Variants in NLE1 observed in about 807,000 individuals in gnomAD.
NLE1 encodes the protein notchless homolog 1, also known as notchless protein homolog 1.
Under a neutral mutation model 62.8 loss-of-function variants are expected in NLE1, and 37 were observed. The ratio of observed to expected loss-of-function variants is 0.59; its 90% confidence interval spans 0.45 to 0.78. The LOEUF (loss-of-function observed/expected upper bound fraction) is 0.78, where lower values mean the gene tolerates loss of function less well. Ranked by LOEUF, NLE1 falls within the 30% of genes least tolerant of loss-of-function variation. NLE1 has a pLI of 0.00. For synonymous variants in NLE1, 243 were observed against 253.0 expected (o/e 0.96, Z 0.37); for missense variants, 555 against 637.9 (o/e 0.87, Z 1.40).
At chr17:35,133,536 G>A in intron 10 of NLE1, 38 bp from the exon 11 acceptor site, 1 of 1,572,536 alleles carries the variant, frequency 6.4e-7, no homozygotes, top group Non-Finnish European at 8.6e-7. Context: ...TTTAGTCTGA[G>A]TTACATCTTT....
rs748103972 is a variant in NLE1, at chr17:35,136,413, C to T, written c.913G>A (p.Ala305Thr). The change falls in exon 8 of 13, where the codon GCC becomes ACC. Residue 305 changes from alanine to threonine, a missense_variant. Transcript: ENST00000442241. ...ACTGAGGCCTCAGCAGGTTCAAAGG[C>T]CCCAGTGCGCAGGGCATAGTCAGTG... ...LSTDYALRTG[A>T]FEPAEASVNP... The T allele has an allele frequency of 1.9e-6, 3 of 1,614,108 alleles. No individual in the cohort carries two copies. Among genetic ancestry groups the T allele is most frequent in the Non-Finnish European group, 2.5e-6 (3 of 1,179,984 alleles).
chr17:35,130,029 G>A lies in NLE1; in HGVS notation c.*2408C>T. 7.2e-7 allele frequency: 1 copy of A among 1,390,980 alleles called. No homozygotes were observed. The highest frequency in any genetic ancestry group is 9.3e-7 in the Non-Finnish European group (1 of 1,074,808). 86.2% of individuals were successfully genotyped at this position (1,390,980 alleles called of 1,614,324 possible). ...AGGGGGACGAAGAAGGGAACAGCCT[G>A]GGTATGGGGTAGGGGTATGGGGGTA... On this transcript the variant is annotated 3_prime_UTR_variant, in exon 13 of 13. Coordinates refer to ENST00000442241, the MANE Select transcript of NLE1 (RefSeq NM_018096.5).
In NLE1 at chr17:35,130,353, G is replaced by C. The variant is rs915792745; in HGVS notation, c.*2084C>G. On this transcript the variant is annotated 3_prime_UTR_variant, in exon 13 of 13. Transcript: ENST00000442241. ...CCATCCAGATCACCGTGCGGCGCAA[G>C]GAACCCCGGCAAAAGATCGTGTCCA... is the stretch of plus-strand genomic sequence containing the variant. 1 of 1,614,146 alleles carries C rather than the reference G, an allele frequency of 6.2e-7. No individual in the cohort carries two copies. The highest frequency in any genetic ancestry group is 1.3e-5 in the African/African-American group (1 of 75,032).
intron 10 of NLE1, among the ~76,000 whole-genome samples, chr17:35,134,631 C>T (rs980070946): frequency 6.6e-6 from 1 of 152,184 alleles, no homozygotes; most frequent in African/African-American, 2.4e-5. Flanking sequence ...AACTCCTGAA[C>T]TCAGGTGATC....
intron 6 of NLE1, 124 bp downstream of exon 6, chr17:35,137,419 G>C: frequency 1.1e-6 from 1 of 878,884 alleles, no homozygotes. Context: ...TGCCTGCCAA[G>C]CCATCACGGT....
At chr17:35,140,697 TCTC>T (rs760634927) in intron 2 of NLE1, among the ~76,000 whole-genome samples, 46 of 151,972 alleles carry the variant, frequency 3.0e-4, no homozygotes, top group Non-Finnish European at 2.2e-4. Context: ...TTCAAGCAAT[TCTC>T]CTGCTTCAGC....
chr17:35,140,434 G>T (rs1036709240), intron 2 of NLE1, among the ~76,000 whole-genome samples: 1 of 151,694 alleles, frequency 6.6e-6, no homozygotes, highest in Non-Finnish European at 1.5e-5. Flanking sequence ...TCGCCACATT[G>T]GCCAGGCTGG....
At position 35,137,169 on chromosome 17, in the gene NLE1, G is replaced by A; in HGVS notation, c.660C>T (p.Ala220=). Residue 220 remains alanine (A), a synonymous_variant, in exon 7 of 13, where the codon GCC becomes GCT. Coordinates refer to ENST00000442241, the MANE Select transcript of NLE1 (RefSeq NM_018096.5). ...LHANPECRYV[A]SSSKDGSVRI... Reference sequence around the variant, plus strand: ...GCACACTGCCATCCTTGGAGCTGCTGGCCACATAGCGGCACTCAGGGTTCC... The same window carrying A: ...GCACACTGCCATCCTTGGAGCTGCTAGCCACATAGCGGCACTCAGGGTTCC... The A allele has an allele frequency of 1.2e-6, 2 of 1,610,460 alleles. No homozygotes were observed. Among genetic ancestry groups the A allele is most frequent in the African/African-American group, 1.3e-5 (1 of 74,930 alleles).
Position 35,136,516 on chromosome 17 carries a change from G to T in NLE1, c.829-19C>A. 6.2e-7 allele frequency: 1 copy of T among 1,600,650 alleles called. No homozygotes were observed. Among genetic ancestry groups the T allele is most frequent in the Non-Finnish European group, 8.5e-7 (1 of 1,169,900 alleles). On this transcript the variant is annotated intron_variant, in intron 7 of 12. Coordinates refer to ENST00000442241, the MANE Select transcript of NLE1 (RefSeq NM_018096.5). The stretch of plus-strand genomic sequence containing the variant: ...GCACACCCTACGGGAGAGCGAGTCA[G>T]GTCAGACACACACACTCCTCCCCAC...
chr17:35,129,766 T>C lies in NLE1; in HGVS notation c.*2671A>G. 2 of 1,478,746 alleles carry C rather than the reference T, an allele frequency of 1.4e-6. No homozygotes were observed. The highest frequency in any genetic ancestry group is 9.0e-7 in the Non-Finnish European group (1 of 1,116,024). The allele number at this position is 1,478,746 out of a possible 1,614,324, so 91.6% of individuals were successfully genotyped here. On this transcript the variant is annotated 3_prime_UTR_variant, in exon 13 of 13. Coordinates refer to ENST00000442241, the MANE Select transcript of NLE1 (RefSeq NM_018096.5). ...CCTATGCCCACATGACTCATCTGGC[T>C]AGCTTTCCTTCTGCCTGGGTCAAGA... is the stretch of plus-strand genomic sequence containing the variant.
In NLE1 at chr17:35,139,296, A is replaced by G. The variant is rs1414620758; in HGVS notation, c.399T>C (p.Ser133=). Residue 133 remains serine (S), a synonymous_variant, in exon 4 of 13, where the codon TCT becomes TCC. Transcript: ENST00000442241. ...SPTGKYLASG[S]GDTTVRFWDL... ...CCCAGAAGCGCACGGTGGTGTCTCC[A>G]GAGCCACTGGCCAGGTACCTGGGGA... 6.2e-7 allele frequency: 1 copy of G among 1,613,860 alleles called. No homozygotes were observed. The highest frequency in any genetic ancestry group is 8.5e-7 in the Non-Finnish European group (1 of 1,179,914).
intron 12 of NLE1, 108 bp downstream of exon 12, chr17:35,133,063 G>A (rs1353338651): frequency 1.8e-6 from 2 of 1,092,252 alleles, no homozygotes; most frequent in Non-Finnish European, 1.4e-6. Context: ...GACAGTCTGA[G>A]CACCTGGACG....
At position 35,137,634 on chromosome 17, in the gene NLE1, G is replaced by A. The variant is rs989460984; in HGVS notation, c.544C>T (p.Leu182Phe). ...ASGCKNGQIL[L>F]WDPSTGKQVG... is the part of the protein sequence containing the mutation. ...TGCTTCCCTGTGCTTGGGTCCCAGA[G>A]GAGAATCTGAAGGACAGAAGCTCAC... Residue 182 changes from leucine (L) to phenylalanine (F), a missense_variant, in exon 6 of 13, where the codon CTC (leucine) becomes TTC (phenylalanine). By Grantham distance (22) the Leu-to-Phe change is conservative. Coordinates refer to ENST00000442241, the MANE Select transcript of NLE1 (RefSeq NM_018096.5). The A allele has an allele frequency of 6.2e-7, 1 of 1,609,942 alleles. No homozygotes were observed. Among genetic ancestry groups the A allele is most frequent in the South Asian group, 1.1e-5 (1 of 91,006 alleles).
chr17:35,138,396 C>G (rs1310025875), intron 4 of NLE1, among the ~76,000 whole-genome samples: 1 of 152,190 alleles, frequency 6.6e-6, no homozygotes, highest in Non-Finnish European at 1.5e-5. Flanking sequence ...TAGAACTAAA[C>G]CTCTGGGGGT....
At chr17:35,135,785 C>T (rs990888441) in intron 9 of NLE1, among the ~76,000 whole-genome samples, 2 of 152,084 alleles carry the variant, frequency 1.3e-5, no homozygotes, top group African/African-American at 4.8e-5. Flanking sequence ...TATATAGACA[C>T]GTGTCTGTAT....
intron 7 of NLE1, 29 bp from the exon 8 acceptor site, chr17:35,136,526 A>G: frequency 6.3e-7 from 1 of 1,594,618 alleles, no homozygotes; most frequent in Non-Finnish European, 8.6e-7. Flanking sequence ...GGTCAGACAC[A>G]CACACTCCTC....
At chr17:35,137,683 T>G (rs770676543) in intron 5 of NLE1, 43 bp from the exon 6 acceptor site, 1 of 1,564,296 alleles carries the variant, frequency 6.4e-7, no homozygotes, top group Non-Finnish European at 8.8e-7. Flanking sequence ...CCAACAGGTC[T>G]CTGGCTCCAC....
In NLE1 at chr17:35,141,970, G is replaced by T. The variant is rs2091947002; in HGVS notation, c.162+9C>A. On this transcript the variant is annotated intron_variant, in intron 2 of 12. Transcript: ENST00000442241. ...TGGAGATGCGAGGCCGCCCTGGCCA[G>T]CCACTTACCTGGGCCAGTAGCGCGT... The T allele has an allele frequency of 6.4e-7, 1 of 1,567,982 alleles. No individual in the cohort carries two copies.
chr17:35,139,812 C>G, intron 3 of NLE1, 37 bp downstream of exon 3: 3 of 1,600,578 alleles, frequency 1.9e-6, no homozygotes, highest in Non-Finnish European at 2.5e-6. Context: ...GACTGCACCC[C>G]CACATACCCC....
Sources: gnomAD v4.1 joint callset for allele counts (sites outside exome capture counted in the v4.1 genomes callset) on GRCh38, gnomAD v4.1.1 for gene constraint, MANE v1.5 for transcripts, NCBI Gene and HGNC (gene_info 2026-07-23, HGNC 2026-07-21) for gene names.